Variants in TMEM74 observed in about 807,000 individuals in gnomAD.
TMEM74 encodes transmembrane protein 74.
A neutral mutation model predicts 18.1 loss-of-function variants in TMEM74; 13 were observed. The ratio of observed to expected loss-of-function variants is 0.72; its 90% confidence interval spans 0.47 to 1.14. The LOEUF is 1.14. TMEM74 is among the 50% of genes most tolerant of loss of function. TMEM74 has a pLI of 0.00. For synonymous variants in TMEM74, 159 were observed against 146.6 expected (o/e 1.08, Z -0.61); for missense variants, 372 against 375.9 (o/e 0.99, Z 0.09).
rs138398987 is a variant in TMEM74 at position 108,727,554 on chromosome 8, T to A, written n.119+59922A>T. Among the ~76,000 whole-genome samples, 442 of 152,232 alleles carry A rather than the reference T, an allele frequency of 2.9e-3. 3 individuals are homozygous for A. Among genetic ancestry groups the A allele is most frequent in the African/African-American group, 0.01 (417 of 41,540 alleles). On this transcript the variant is annotated intron_variant and non_coding_transcript_variant, in intron 1 of 3. Transcript: ENST00000518838. ...ATGTGGGGAGCTGTGGTGAAGCTAG[T>A]TTTTTGAGGAGAAAAGATCAGAAAT...
chr8:108,664,904 A>G (rs999226906), intron 1 of TMEM74, among the ~76,000 whole-genome samples: 1 of 152,146 alleles, frequency 6.6e-6, no homozygotes, highest in Non-Finnish European at 1.5e-5. Context: ...ATGGAGTTCA[A>G]TTAGAAAAAG....
intron 1 of TMEM74, among the ~76,000 whole-genome samples, chr8:108,786,152 G>T (rs1217134751): frequency 6.6e-6 from 1 of 152,142 alleles, no homozygotes; most frequent in Non-Finnish European, 1.5e-5. Flanking sequence ...GAGTTCTGTG[G>T]AGACAAATAG....
intron 1 of TMEM74, among the ~76,000 whole-genome samples, chr8:108,694,967 A>G (rs1813266009): frequency 6.6e-6 from 1 of 152,182 alleles, no homozygotes; most frequent in Non-Finnish European, 1.5e-5. Context: ...CAAGTTTCCA[A>G]CTTTCATGAT....
At chr8:108,721,490 T>C (rs1813586964) in intron 1 of TMEM74, among the ~76,000 whole-genome samples, 1 of 152,268 alleles carries the variant, frequency 6.6e-6, no homozygotes, top group African/African-American at 2.4e-5. Context: ...CGATGTGGAA[T>C]GCTCTGCTTC....
chr8:108,691,551 A>C lies in TMEM74; in HGVS notation n.120-36114T>G, dbSNP rs550276574. On this transcript the variant is annotated intron_variant and non_coding_transcript_variant, in intron 1 of 3. Coordinates refer to the TMEM74 transcript ENST00000518838. The stretch of plus-strand genomic sequence containing the variant: ...CTGGAAATGTTCATTGGCAATTTGA[A>C]GGATTCAAGCTCCCTGCAATCTTGA... Among the ~76,000 whole-genome samples the C allele has an allele frequency of 2.0e-5, 3 of 152,358 alleles. No homozygotes were observed. The East Asian group carries it at 5.8e-4, about 29-fold the overall frequency.
intron 1 of TMEM74, among the ~76,000 whole-genome samples, chr8:108,717,398 T>C (rs1185699554): frequency 6.6e-6 from 1 of 152,134 alleles, no homozygotes; most frequent in East Asian, 1.9e-4. Flanking sequence ...AAACAGTAAT[T>C]GAACATCTAC....
At chr8:108,755,542 T>C (rs186131943) in intron 1 of TMEM74, among the ~76,000 whole-genome samples, 156 of 152,210 alleles carry the variant, frequency 1.0e-3, no homozygotes, top group Non-Finnish European at 1.6e-3. Context: ...TGTAAGAAAA[T>C]GCTTATTTGG....
chr8:108,707,502 T>C (rs1244299584), intron 1 of TMEM74, among the ~76,000 whole-genome samples: 2 of 152,154 alleles, frequency 1.3e-5, no homozygotes, highest in African/African-American at 4.8e-5. Context: ...ATAATGTGGT[T>C]TTAAAGCCTA....
chr8:108,665,313 T>C (rs1812939217), intron 1 of TMEM74, among the ~76,000 whole-genome samples: 1 of 152,076 alleles, frequency 6.6e-6, no homozygotes, highest in Non-Finnish European at 1.5e-5. Context: ...AATGAGGGAA[T>C]TGTTATTTCA....
At chr8:108,654,945 T>C (rs760687524) in intron 2 of TMEM74, among the ~76,000 whole-genome samples, 2 of 152,312 alleles carry the variant, frequency 1.3e-5, no homozygotes, top group South Asian at 2.1e-4. Flanking sequence ...ATTTATCGTA[T>C]GATAGCATTA....
chr8:108,711,220 T>G (rs1813471861), intron 1 of TMEM74, among the ~76,000 whole-genome samples: 1 of 152,218 alleles, frequency 6.6e-6, no homozygotes, highest in African/African-American at 2.4e-5. Flanking sequence ...GTGATTTACC[T>G]GAAGTTGTAG....
chr8:108,770,213 A>C (rs942206820), intron 1 of TMEM74, among the ~76,000 whole-genome samples: 4 of 152,124 alleles, frequency 2.6e-5, no homozygotes, highest in African/African-American at 9.7e-5. Flanking sequence ...TTGTGAGTAA[A>C]AAGCTACAGA....
At chr8:108,622,082 C>T (rs1256130559) in intron 2 of TMEM74, among the ~76,000 whole-genome samples, 1 of 152,064 alleles carries the variant, frequency 6.6e-6, no homozygotes, top group East Asian at 1.9e-4. Context: ...GTAATCTACT[C>T]AAATTTTGAA....
In TMEM74 at chr8:108,618,319, T is replaced by C. The variant is rs544857699; in HGVS notation, n.265-9493A>G. Among the ~76,000 whole-genome samples the C allele has an allele frequency of 1.0e-3, 155 of 152,198 alleles. 3 individuals carry two copies. The highest frequency in any genetic ancestry group is 3.7e-4 in the Non-Finnish European group (25 of 67,998). The stretch of plus-strand genomic sequence containing the variant: ...GTGGGGATTCTGACCAGTTCCTAGG[T>C]TGTGTATATTTTGATGAGTATAATT... On this transcript the variant is annotated intron_variant and non_coding_transcript_variant, in intron 2 of 3. Transcript: ENST00000518838.
At chr8:108,705,523 G>A (rs1415424194) in intron 1 of TMEM74, among the ~76,000 whole-genome samples, 1 of 152,172 alleles carries the variant, frequency 6.6e-6, no homozygotes, top group Non-Finnish European at 1.5e-5. Context: ...CTTTGTGGGT[G>A]TAGCCCAGCT....
At chr8:108,691,359 T>A (rs577506472) in intron 1 of TMEM74, among the ~76,000 whole-genome samples, 169 of 152,258 alleles carry the variant, frequency 1.1e-3, no homozygotes, top group Middle Eastern at 6.8e-3. Context: ...TTCTGAAGGG[T>A]TCAACATGTG....
intron 2 of TMEM74, among the ~76,000 whole-genome samples, chr8:108,650,752 C>T (rs1431847702): frequency 6.6e-6 from 1 of 151,220 alleles, no homozygotes; most frequent in African/African-American, 2.4e-5. Flanking sequence ...CTCTTGTCCC[C>T]CAGGCTGGAG....
intron 2 of TMEM74, among the ~76,000 whole-genome samples, chr8:108,648,199 G>T (rs1314491898): frequency 6.6e-6 from 1 of 152,058 alleles, no homozygotes; most frequent in Non-Finnish European, 1.5e-5. Context: ...TGAGTCTGGG[G>T]TGGCCATGTG....
At chr8:108,720,243 T>A (rs191123290) in intron 1 of TMEM74, among the ~76,000 whole-genome samples, 200 of 152,288 alleles carry the variant, frequency 1.3e-3, no homozygotes, top group Non-Finnish European at 2.3e-3. Context: ...AATAATCACA[T>A]TCTGTATCAA....
Sources: gnomAD v4.1 joint callset for allele counts (sites outside exome capture counted in the v4.1 genomes callset) on GRCh38, gnomAD v4.1.1 for gene constraint, MANE v1.5 for transcripts, NCBI Gene and HGNC (gene_info 2026-07-23, HGNC 2026-07-21) for gene names.